The following FREM3 variants were observed in gnomAD, a reference collection of about 807,000 sequenced individuals.
FREM3 encodes the protein FRAS1 related extracellular matrix 3.
A neutral mutation model predicts 129.1 loss-of-function variants in FREM3; 105 were observed. The ratio of observed to expected loss-of-function variants is 0.81; its 90% confidence interval spans 0.69 to 0.96. The LOEUF (loss-of-function observed/expected upper bound fraction) is 0.96, where lower values mean the gene tolerates loss of function less well. Ranked by LOEUF, FREM3 falls within the 40% of genes least tolerant of loss-of-function variation. The probability of loss-of-function intolerance (pLI) is 0.00; values close to 1 mark genes in which losing one functional copy is unlikely to be tolerated. For synonymous variants in FREM3, 1,014 were observed against 1,044.9 expected (o/e 0.97, Z 0.57); for missense variants, 2,593 against 2,666.3 (o/e 0.97, Z 0.61).
At chr4:143,649,670 A>G (rs1333586442) in intron 2 of FREM3, among the ~76,000 whole-genome samples, 1 of 152,148 alleles carries the variant, frequency 6.6e-6, no homozygotes, top group Admixed American at 6.5e-5. Flanking sequence ...AGAAAGCTGT[A>G]TATAAATTTT....
chr4:143,577,484 C>A lies in FREM3; in HGVS notation c.*127G>T. The A allele has an allele frequency of 1.2e-6, 1 of 858,410 alleles. No homozygotes were observed. Among genetic ancestry groups the A allele is most frequent in the Non-Finnish European group, 1.7e-6 (1 of 574,034 alleles). The allele number at this position is 858,410 out of a possible 1,614,324, so 53.2% of individuals were successfully genotyped here. A position where few individuals can be genotyped will look rare whatever the true frequency, so the allele number is the denominator to read the frequency against. On this transcript the variant is annotated 3_prime_UTR_variant, in exon 8 of 8. Coordinates refer to ENST00000329798, the MANE Select transcript of FREM3 (RefSeq NM_001168235.2). ...TATAAATTACATTTCCACATATCAC[C>A]AGAATATAACACCAATGACAGTACA...
chr4:143,659,183 G>A (rs1739656336), intron 2 of FREM3, among the ~76,000 whole-genome samples: 1 of 151,500 alleles, frequency 6.6e-6, no homozygotes, highest in Admixed American at 6.6e-5. Flanking sequence ...ATGCTGGTGT[G>A]CTGCACCCAT....
chr4:143,581,739 G>C (rs938154210), intron 7 of FREM3, among the ~76,000 whole-genome samples: 4 of 152,056 alleles, frequency 2.6e-5, no homozygotes, highest in Admixed American at 2.0e-4. Context: ...CACCAGACAG[G>C]GCTCCTGGCT....
intron 4 of FREM3, among the ~76,000 whole-genome samples, chr4:143,622,084 C>A (rs1738961019): frequency 6.7e-6 from 1 of 149,908 alleles, no homozygotes; most frequent in South Asian, 2.1e-4. Flanking sequence ...AGATTGTAGG[C>A]AATCACCTTT....
At chr4:143,627,824 A>G (rs1444563542) in intron 2 of FREM3, 64 bp from the exon 3 acceptor site, 5 of 1,075,758 alleles carry the variant, frequency 4.6e-6, no homozygotes, top group East Asian at 2.6e-5. Context: ...TCAATGATCA[A>G]TGTGTGCATT....
At position 143,585,714 on chromosome 4, in the gene FREM3, C is replaced by A; in HGVS notation, c.6178+130G>T. 1.2e-6 allele frequency: 1 copy of A among 858,594 alleles called. No homozygotes were observed. Among genetic ancestry groups the A allele is most frequent in the Non-Finnish European group, 1.7e-6 (1 of 574,854 alleles). 53.2% of individuals were successfully genotyped at this position (858,594 alleles called of 1,614,324 possible). A position where few individuals can be genotyped will look rare whatever the true frequency, so the allele number is the denominator to read the frequency against. ...AGTCATTATGTATACAAACCATCTA[C>A]GTGCTGAAGCCAGAGAAACTTTCAT... On this transcript the variant is annotated intron_variant, in intron 7 of 7. Transcript: ENST00000329798. This position sits in a 1 kb window ranked among gnomAD's most constrained non-coding sequence, Gnocchi z 4.2.
Position 143,696,443 on chromosome 4 carries a change from T to G in FREM3, c.4233A>C (p.Thr1411=), listed in dbSNP as rs908482895. ...CAATGGTGACATAGAAGTAGTGGTC[T>G]GTCAAAGTGTTAACCCCATCAGTAA... The part of the protein sequence containing the change: ...FDVTDGVNTL[T]DHYFYVTIGN... The change falls in exon 1 of 8, where the codon ACA becomes ACC. Residue 1411 remains threonine, a synonymous_variant. Transcript: ENST00000329798. 10 of 1,537,580 alleles carry G rather than the reference T, an allele frequency of 6.5e-6. No homozygotes were observed. The highest frequency in any genetic ancestry group is 8.7e-6 in the Non-Finnish European group (10 of 1,147,018).
At chr4:143,602,979 T>C (rs1738598961) in intron 6 of FREM3, among the ~76,000 whole-genome samples, 1 of 152,206 alleles carries the variant, frequency 6.6e-6, no homozygotes, top group African/African-American at 2.4e-5. Context: ...TTGATGGGAT[T>C]TCTCAGATCC....
intron 2 of FREM3, among the ~76,000 whole-genome samples, chr4:143,639,173 A>G (rs993011063): frequency 6.6e-6 from 1 of 152,182 alleles, no homozygotes; most frequent in Non-Finnish European, 1.5e-5. Context: ...ACCCGCAGAA[A>G]TCATAGAAGG....
intron 2 of FREM3, among the ~76,000 whole-genome samples, chr4:143,647,715 C>G (rs1739443456): frequency 6.6e-6 from 1 of 152,168 alleles, no homozygotes; most frequent in Admixed American, 6.5e-5. Flanking sequence ...TTGGGAACCT[C>G]TGCCTAGATT....
chr4:143,636,512 A>G lies in FREM3; in HGVS notation c.5276-8752T>C, dbSNP rs563457600. On this transcript the variant is annotated intron_variant, in intron 2 of 7. Transcript: ENST00000329798. ...TTAGAAAGTGACTATTAAAGTAATA[A>G]TAGAGAAAAACATCCAACTGCAGAA... Among the ~76,000 whole-genome samples the G allele has an allele frequency of 2.0e-5, 3 of 152,198 alleles. No homozygotes were observed. In the East Asian group the frequency reaches 5.8e-4, roughly 29 times the overall value.
At chr4:143,584,922 C>A (rs993484589) in intron 7 of FREM3, among the ~76,000 whole-genome samples, 31 of 152,282 alleles carry the variant, frequency 2.0e-4, no homozygotes, top group African/African-American at 6.3e-4. Context: ...AGTATACCAT[C>A]CACACTCTCA....
rs1395863909 is a variant in FREM3, at chr4:143,696,496, C to T, written c.4180G>A (p.Gly1394Arg). 8.5e-6 allele frequency: 13 copies of T among 1,537,500 alleles called. No individual in the cohort carries two copies. In the East Asian group the frequency reaches 2.7e-4, roughly 32 times the overall value. Residue 1394 changes from glycine to arginine, a missense_variant, in exon 1 of 8, where the codon GGG becomes AGG. Transcript: ENST00000329798. ...TCAAACTTGATAATGTCAACAATCC[C>T]TTCTTGGCCTGTGTGGATATAGCAG... is the stretch of plus-strand genomic sequence containing the variant. The part of the protein sequence containing the change: ...LICYIHTGQE[G>R]IVDIIKFDVT...
intron 2 of FREM3, among the ~76,000 whole-genome samples, chr4:143,646,893 G>A (rs1310060518): frequency 6.6e-6 from 1 of 152,056 alleles, no homozygotes; most frequent in African/African-American, 2.4e-5. Context: ...AGGAAAATGT[G>A]GAAAAGTTTA....
rs779584724 is a variant in FREM3, at chr4:143,700,550, C to T, written c.126G>A (p.Pro42=). 6.6e-7 allele frequency: 1 copy of T among 1,518,352 alleles called. No individual in the cohort carries two copies. Among genetic ancestry groups the T allele is most frequent in the Admixed American group, 2.0e-5 (1 of 49,760 alleles). The allele number at this position is 1,518,352 out of a possible 1,614,324, so 94.1% of individuals were successfully genotyped here. A position where few individuals can be genotyped will look rare whatever the true frequency, so the allele number is the denominator to read the frequency against. ...RASSLGTEPD[P]ALYLPARGAL... ...CACCCCGGGCGGGCAGGTAAAGCGC[C>T]GGGTCGGGCTCGGTCCCAAGTGAGG... The change falls in exon 1 of 8, where the codon CCG becomes CCA. Residue 42 remains proline, a synonymous_variant. Coordinates refer to ENST00000329798, the MANE Select transcript of FREM3 (RefSeq NM_001168235.2).
rs1739939701 is a variant in FREM3, at chr4:143,670,078, G to C, written c.5275+23035C>G. 2.0e-5 allele frequency among the ~76,000 whole-genome samples: 3 copies of C among 152,056 alleles called. No individual in the cohort carries two copies. The South Asian group carries it at 6.2e-4, about 32-fold the overall frequency. On this transcript the variant is annotated intron_variant, in intron 2 of 7. Transcript: ENST00000329798. The stretch of plus-strand genomic sequence containing the variant: ...TTTTGTGATCTTCCTGTCCTTCCCT[G>C]TGACTGCATAGAATGTAACCATTCA...
chr4:143,678,499 C>A (rs1308443071), intron 2 of FREM3, among the ~76,000 whole-genome samples: 4 of 151,848 alleles, frequency 2.6e-5, no homozygotes, highest in African/African-American at 9.7e-5. Context: ...ATGTAACAAA[C>A]CTGCACATTG....
intron 2 of FREM3, among the ~76,000 whole-genome samples, chr4:143,657,968 A>G (rs1739631159): frequency 6.6e-6 from 1 of 152,092 alleles, no homozygotes; most frequent in Non-Finnish European, 1.5e-5. Context: ...CTCCTACACC[A>G]CATTTATTTA....
chr4:143,600,963 CTT>C (rs5862656), intron 6 of FREM3, among the ~76,000 whole-genome samples: 119 of 139,050 alleles, frequency 8.6e-4, no homozygotes, highest in Non-Finnish European at 1.0e-3. Flanking sequence ...TTTCTAAAGT[CTT>C]TTTTTTTTTT....
Sources: allele counts gnomAD v4.1 joint callset (sites outside exome capture counted in the v4.1 genomes callset), GRCh38; gene constraint gnomAD v4.1.1; non-coding constraint Gnocchi (gnomAD v3.1); transcripts MANE v1.5; gene names NCBI Gene and HGNC (gene_info 2026-07-23, HGNC 2026-07-21).